Variants in CFAP73 observed in about 807,000 individuals in gnomAD.
The protein encoded by CFAP73 is cilia- and flagella-associated protein 73.
Under a neutral mutation model 42.9 loss-of-function variants are expected in CFAP73, and 33 were observed. The ratio of observed to expected loss-of-function variants is 0.77; its 90% CI spans 0.58 to 1.03. The LOEUF (loss-of-function observed/expected upper bound fraction) is 1.03, where lower values mean the gene tolerates loss of function less well. Ranked by LOEUF, CFAP73 falls within the 50% of genes least tolerant of loss-of-function variation. CFAP73 has a pLI of 0.00. For synonymous variants in CFAP73, 162 were observed against 186.8 expected (o/e 0.87, Z 1.08); for missense variants, 392 against 411.9 (o/e 0.95, Z 0.42).
At chr12:113,150,659 C>T (rs1314785506) in intron 1 of CFAP73, among the ~76,000 whole-genome samples, 3 of 152,198 alleles carry the variant, frequency 2.0e-5, no homozygotes, top group African/African-American at 7.2e-5. Flanking sequence ...CCACTGGTCT[C>T]CCGCAGCTGC....
At chr12:113,150,726 C>T (rs1390889356) in intron 1 of CFAP73, among the ~76,000 whole-genome samples, 1 of 152,158 alleles carries the variant, frequency 6.6e-6, no homozygotes. Context: ...CCAAAACACT[C>T]CCTCCGCTCC....
rs1470489578 is a variant in CFAP73 at position 113,152,866 on chromosome 12, C to T, written c.246C>T (p.Ile82=). The change falls in exon 3 of 8, where the codon ATC becomes ATT. Residue 82 remains isoleucine, a synonymous_variant. Transcript: ENST00000335621. Reference sequence around the variant, plus strand: ...AGCGGGAGCTAAAGGGATCGTTCATCCGCTTTGACAAGTTTTTGCAGGTAG... The same window carrying T: ...AGCGGGAGCTAAAGGGATCGTTCATTCGCTTTGACAAGTTTTTGCAGGTAG... ...QKERELKGSF[I]RFDKFLQDSE... 24 of 1,551,578 alleles carry T rather than the reference C, an allele frequency of 1.5e-5. No homozygotes were observed. The highest frequency in any genetic ancestry group is 2.1e-5 in the Non-Finnish European group (24 of 1,146,906).
chr12:113,150,193 C>G (rs1431958580), intron 1 of CFAP73, among the ~76,000 whole-genome samples: 1 of 152,156 alleles, frequency 6.6e-6, no homozygotes, highest in Non-Finnish European at 1.5e-5. Context: ...ATCCTGCTCC[C>G]CAATCCACCC....
At chr12:113,155,174 A>G (rs1222098047) in intron 5 of CFAP73, 86 bp from the exon 6 acceptor site, 4 of 1,229,930 alleles carry the variant, frequency 3.3e-6, no homozygotes, top group Admixed American at 2.7e-5. Flanking sequence ...CATCTCAAAA[A>G]GAAAAAAAAA....
rs1005230821 is a variant in CFAP73, at chr12:113,158,949, G to C, written c.*260G>C. The C allele has an allele frequency of 5.6e-6, 9 of 1,611,444 alleles. No homozygotes were observed. Among genetic ancestry groups the C allele is most frequent in the African/African-American group, 1.3e-5 (1 of 74,906 alleles). On this transcript the variant is annotated 3_prime_UTR_variant, in exon 8 of 8. Transcript: ENST00000335621. The surrounding 1 kb of genome is among the most constrained non-coding windows in gnomAD (Gnocchi z 4.9). Reference sequence around the variant, plus strand: ...CGAAGGCGCCCTGCTGCAGCTCCTGGACGCGGCGGCGGTTGCGGGCAGAGA... The same window carrying C: ...CGAAGGCGCCCTGCTGCAGCTCCTGCACGCGGCGGCGGTTGCGGGCAGAGA...
intron 1 of CFAP73, among the ~76,000 whole-genome samples, chr12:113,150,822 C>T (rs1266388741): frequency 6.6e-6 from 1 of 152,098 alleles, no homozygotes; most frequent in East Asian, 1.9e-4. Flanking sequence ...TCCCAATTCC[C>T]ATCTTTTTCC....
Position 113,153,286 on chromosome 12 carries a change from G to A in CFAP73, c.346G>A (p.Ala116Thr). Residue 116 changes from alanine to threonine, a missense_variant, in exon 4 of 8, where the codon GCG (alanine) becomes ACG (threonine). Ala to Thr is a moderately conservative substitution (Grantham distance 58, BLOSUM62 0). Coordinates refer to ENST00000335621, the MANE Select transcript of CFAP73 (RefSeq NM_001144872.3). ...RHQAGRREVE[A>T]LRLWTQLQEL... ...CCAGGCGGGCCGTCGGGAGGTGGAG[G>A]CGCTGCGTCTGTGGACCCAGCTCCA... The A allele has an allele frequency of 6.6e-7, 1 of 1,519,666 alleles. No individual in the cohort carries two copies. Among genetic ancestry groups the A allele is most frequent in the Non-Finnish European group, 8.8e-7 (1 of 1,139,658 alleles). The allele number at this position is 1,519,666 out of a possible 1,614,324, so 94.1% of individuals were successfully genotyped here.
In CFAP73 at chr12:113,154,417, C is replaced by T; in HGVS notation, c.472C>T (p.Gln158Ter). 6.5e-7 allele frequency: 1 copy of T among 1,548,246 alleles called. No homozygotes were observed. Among genetic ancestry groups the T allele is most frequent in the Non-Finnish European group, 8.7e-7 (1 of 1,145,968 alleles). The change falls in exon 5 of 8, where the codon CAA becomes TAA. Residue 158 changes from glutamine to a stop codon, truncating the protein, a stop_gained. Coordinates refer to ENST00000335621, the MANE Select transcript of CFAP73 (RefSeq NM_001144872.3). LOFTEE classifies it high-confidence loss of function. The surrounding 1 kb of genome is among the most constrained non-coding windows in gnomAD (Gnocchi z 4.7). The part of the protein sequence containing the change: ...EQALELLPGF[Q>*]EVPELVARFD... ...CCTTCCCCGCCCCCGACTCTAGTTC[C>T]AAGAGGTTCCGGAGCTGGTGGCGCG...
chr12:113,150,360 A>C (rs1198718037), intron 1 of CFAP73, among the ~76,000 whole-genome samples: 2 of 152,088 alleles, frequency 1.3e-5, no homozygotes, highest in African/African-American at 2.4e-5. Context: ...TGCTGATTAC[A>C]CATTAGTCAT....
chr12:113,151,995 C>A lies in CFAP73; in HGVS notation c.134C>A (p.Ala45Glu), dbSNP rs1952066540. ...LLEKRQELVDADQALQAQKEV... is the reference protein window; with the variant it reads ...LLEKRQELVDEDQALQAQKEV... ...GAGAAGAGGCAAGAGCTGGTAGATG[C>A]AGACCAGGCCCTGCAGGCCCAGAAG... Residue 45 changes from alanine to glutamate, a missense_variant, in exon 2 of 8, where the codon GCA becomes GAA. Coordinates refer to ENST00000335621, the MANE Select transcript of CFAP73 (RefSeq NM_001144872.3). The A allele has an allele frequency of 6.4e-7, 1 of 1,551,392 alleles. No individual in the cohort carries two copies. Among genetic ancestry groups the A allele is most frequent in the African/African-American group, 1.4e-5 (1 of 73,040 alleles).
In CFAP73 at chr12:113,158,533, C is replaced by G; in HGVS notation, c.*12-168C>G. On this transcript the variant is annotated intron_variant, in intron 7 of 7. Coordinates refer to ENST00000335621, the MANE Select transcript of CFAP73 (RefSeq NM_001144872.3). This position sits in a 1 kb window ranked among gnomAD's most constrained non-coding sequence, Gnocchi z 4.9. Reference sequence around the variant, plus strand: ...ATTTATTACATTAAAAATTCCATTGCCAAACCCTGAGGCACTCAGGGCTCT... The same window carrying G: ...ATTTATTACATTAAAAATTCCATTGGCAAACCCTGAGGCACTCAGGGCTCT... The G allele has an allele frequency of 4.2e-6, 1 of 237,802 alleles. No homozygotes were observed. 14.7% of individuals were successfully genotyped at this position (237,802 alleles called of 1,614,324 possible).
Position 113,155,309 on chromosome 12 carries a change from T to C in CFAP73, c.740T>C (p.Leu247Pro), listed in dbSNP as rs921851691. 6.4e-7 allele frequency: 1 copy of C among 1,550,722 alleles called. No homozygotes were observed. The highest frequency in any genetic ancestry group is 8.7e-7 in the Non-Finnish European group (1 of 1,146,308). ...IQNTAAEKTLLLGRSRMAVLN... is the reference protein window; with the variant it reads ...IQNTAAEKTLPLGRSRMAVLN... ...AACACAGCAGCGGAGAAGACTCTGC[T>C]CCTGGGACGCAGCAGGATGGCTGTG... is the stretch of plus-strand genomic sequence containing the variant. Residue 247 changes from leucine to proline, a missense_variant, in exon 6 of 8, where the codon CTC (leucine) becomes CCC (proline). Transcript: ENST00000335621.
In CFAP73 at chr12:113,154,393, C is replaced by T; in HGVS notation, c.469-21C>T. The T allele has an allele frequency of 6.5e-7, 1 of 1,548,458 alleles. No individual in the cohort carries two copies. Among genetic ancestry groups the T allele is most frequent in the Non-Finnish European group, 8.7e-7 (1 of 1,146,100 alleles). On this transcript the variant is annotated intron_variant, in intron 4 of 7. Transcript: ENST00000335621. This position sits in a 1 kb window ranked among gnomAD's most constrained non-coding sequence, Gnocchi z 4.7. ...AGGCACTGCAGGCCCATGTGAGTCC[C>T]TTCCCCGCCCCCGACTCTAGTTCCA...
At chr12:113,155,457 A>T in intron 6 of CFAP73, 39 bp downstream of exon 6, 1 of 1,497,352 alleles carries the variant, frequency 6.7e-7, no homozygotes, top group Non-Finnish European at 9.0e-7. Flanking sequence ...GCCCCCAAAC[A>T]CTCCCTCTTT....
At chr12:113,156,985 G>A (rs1402154595) in intron 6 of CFAP73, 1 of 152,594 alleles carries the variant, frequency 6.6e-6, no homozygotes, top group East Asian at 1.9e-4. Context: ...ACTGTCCTGC[G>A]GCTGCCAGAA....
At chr12:113,155,106 G>A (rs1350220637) in intron 5 of CFAP73, among the ~76,000 whole-genome samples, 154 bp from the exon 6 acceptor site, 2 of 152,100 alleles carry the variant, frequency 1.3e-5, no homozygotes, top group Non-Finnish European at 2.9e-5. Context: ...GGAGCCGGCG[G>A]TTGCAGTGAG....
chr12:113,152,051 G>A, intron 2 of CFAP73, 28 bp downstream of exon 2: 2 of 1,500,050 alleles, frequency 1.3e-6, no homozygotes, highest in Non-Finnish European at 1.8e-6. Context: ...TAACGAGGTG[G>A]TGAGCTGGTG....
intron 7 of CFAP73, 111 bp downstream of exon 7, chr12:113,157,801 A>G: frequency 1.2e-6 from 1 of 822,196 alleles, no homozygotes; most frequent in Non-Finnish European, 2.0e-6. Flanking sequence ...CATTGGGAAG[A>G]TGGGAGGGCT....
rs1299906773 is a variant in CFAP73, at chr12:113,158,868, T to A, written c.*179T>A. The A allele has an allele frequency of 6.3e-7, 1 of 1,588,964 alleles. No homozygotes were observed. Among genetic ancestry groups the A allele is most frequent in the East Asian group, 2.3e-5 (1 of 44,380 alleles). Reference sequence around the variant, plus strand: ...CCAATCAAGGAGCCACGGGGCTGGGTCCTGGTCCTCACATCCTCTTCCGCA... The same window carrying A: ...CCAATCAAGGAGCCACGGGGCTGGGACCTGGTCCTCACATCCTCTTCCGCA... On this transcript the variant is annotated 3_prime_UTR_variant, in exon 8 of 8. Transcript: ENST00000335621. The surrounding 1 kb of genome is among the most constrained non-coding windows in gnomAD (Gnocchi z 4.9).
Sources: allele counts gnomAD v4.1 joint callset (sites outside exome capture counted in the v4.1 genomes callset), GRCh38; gene constraint gnomAD v4.1.1; non-coding constraint Gnocchi (gnomAD v3.1); transcripts MANE v1.5; gene names NCBI Gene and HGNC (gene_info 2026-07-23, HGNC 2026-07-21).